CCDC18: variants seen among roughly 807,000 people sequenced by gnomAD.
CCDC18 encodes the protein coiled-coil domain containing 18.
In CCDC18, 157 loss-of-function variants were observed where a neutral mutation model predicts 196.0. The ratio of observed to expected loss-of-function variants is 0.80; its 90% CI spans 0.70 to 0.91. CCDC18 has a LOEUF of 0.91. Among genes scored for constraint, CCDC18 ranks in the 40% least tolerant of loss-of-function variants. The pLI is 0.00. For synonymous variants in CCDC18, 482 were observed against 529.2 expected, an observed-to-expected ratio of 0.91 and a Z score of 1.22; for missense variants, 1,465 against 1,611.6, an observed-to-expected ratio of 0.91 and a Z score of 1.56.
chr1:93,276,466 A>G (rs542571647), intron 28 of CCDC18, among the ~76,000 whole-genome samples: 5 of 152,356 alleles, frequency 3.3e-5, no homozygotes, highest in Non-Finnish European at 5.9e-5. Context: ...TTCACCATTT[A>G]TTAGGAATTT....
intron 4 of CCDC18, 26 bp from the exon 5 acceptor site, chr1:93,191,973 AC>A: frequency 6.8e-7 from 1 of 1,480,362 alleles, no homozygotes; most frequent in Non-Finnish European, 9.4e-7. Context: ...TTCTGAAAGT[AC>A]TATAAAAGTT....
chr1:93,233,315 C>G (rs1424896425), intron 18 of CCDC18, among the ~76,000 whole-genome samples: 1 of 152,160 alleles, frequency 6.6e-6, no homozygotes, highest in Non-Finnish European at 1.5e-5. Flanking sequence ...TGTAAGAATT[C>G]TAGAGAATTT....
intron 12 of CCDC18, 50 bp from the exon 13 acceptor site, chr1:93,216,586 A>T: frequency 2.1e-6 from 2 of 966,354 alleles, no homozygotes; most frequent in South Asian, 3.2e-5. Context: ...TAGAATGCAA[A>T]ATCATTACCT....
intron 26 of CCDC18, among the ~76,000 whole-genome samples, chr1:93,261,587 A>G (rs1276079443): frequency 6.6e-6 from 1 of 152,094 alleles, no homozygotes; most frequent in Non-Finnish European, 1.5e-5. Context: ...AAATGTATTT[A>G]AGCAAGACAT....
intron 27 of CCDC18, among the ~76,000 whole-genome samples, chr1:93,265,473 TC>T: frequency 6.6e-6 from 1 of 152,330 alleles, no homozygotes. Context: ...TTAAATAAAA[TC>T]CTACTTATAT....
chr1:93,223,019 C>T (rs997198923), intron 16 of CCDC18, among the ~76,000 whole-genome samples: 2 of 152,144 alleles, frequency 1.3e-5, no homozygotes, highest in Admixed American at 6.6e-5. Flanking sequence ...AAACTCTTAA[C>T]ATTTAATGCA....
intron 22 of CCDC18, among the ~76,000 whole-genome samples, 158 bp downstream of exon 22, chr1:93,246,362 T>TA (rs1661495934): frequency 1.3e-5 from 2 of 152,192 alleles, no homozygotes; most frequent in Admixed American, 1.3e-4. Context: ...CATCTCTCTT[T>TA]ATCTTGATAT....
intron 6 of CCDC18, among the ~76,000 whole-genome samples, chr1:93,195,836 A>G (rs1039064237): frequency 6.6e-6 from 1 of 152,204 alleles, no homozygotes; most frequent in Non-Finnish European, 1.5e-5. Flanking sequence ...TAAACTACCC[A>G]GACTATGATA....
At chr1:93,239,535 T>C in intron 20 of CCDC18, 62 bp downstream of exon 20, 29 of 1,526,944 alleles carry the variant, frequency 1.9e-5, no homozygotes, top group Non-Finnish European at 2.5e-5. Context: ...AGTGAAATAA[T>C]GTGAGAATTT....
intron 17 of CCDC18, among the ~76,000 whole-genome samples, chr1:93,230,223 C>G (rs1659023260): frequency 6.6e-6 from 1 of 151,862 alleles, no homozygotes; most frequent in South Asian, 2.1e-4. Flanking sequence ...GCCAACTGGC[C>G]AGGCACGGTG....
chr1:93,277,079 T>G (rs1318830841), intron 28 of CCDC18, among the ~76,000 whole-genome samples: 1 of 91,674 alleles, frequency 1.1e-5, no homozygotes, highest in African/African-American at 5.5e-5. Context: ...TGTAAAGGAT[T>G]AAGTGCTGTG....
intron 16 of CCDC18, among the ~76,000 whole-genome samples, chr1:93,224,541 A>G (rs1657992903): frequency 6.6e-6 from 1 of 152,260 alleles, no homozygotes; most frequent in South Asian, 2.1e-4. Flanking sequence ...GCCATGCCCC[A>G]GACCTGATTC....
At chr1:93,180,324 G>T, upstream of CCDC18, 1 of 1,451,166 alleles carries the variant, frequency 6.9e-7, no homozygotes, top group Non-Finnish European at 9.2e-7. Context: ...ACTCCTCGTG[G>T]TTGACAGGGA....
At chr1:93,215,756 G>A (rs1338471948) in intron 12 of CCDC18, among the ~76,000 whole-genome samples, 10 of 152,038 alleles carry the variant, frequency 6.6e-5, no homozygotes, top group East Asian at 1.9e-4. Context: ...ACACCTAGCC[G>A]GAATCTGTAT....
At chr1:93,191,698 A>G (rs1651839781) in intron 4 of CCDC18, among the ~76,000 whole-genome samples, 1 of 152,180 alleles carries the variant, frequency 6.6e-6, no homozygotes, top group African/African-American at 2.4e-5. Context: ...TTTTATGTTT[A>G]ATTTTCTAAT....
Position 93,184,066 on chromosome 1 carries a change from C to G in CCDC18, c.223C>G (p.Leu75Val), listed in dbSNP as rs781429117. The change falls in exon 3 of 29, where the codon CTT (leucine) becomes GTT (valine). Residue 75 changes from leucine to valine, a missense_variant. Coordinates refer to ENST00000690025, the MANE Select transcript of CCDC18 (RefSeq NM_001378204.1). ...GGATGTTCAGCCTAGCCACCCTGGA[C>G]TTTTGAATTATTCACCTTATGAAAA... ...ILDVQPSHPG[L>V]LNYSPYENVC... The G allele has an allele frequency of 1.9e-6, 3 of 1,589,230 alleles. No individual in the cohort carries two copies. Among genetic ancestry groups the G allele is most frequent in the Non-Finnish European group, 2.6e-6 (3 of 1,164,550 alleles).
intron 1 of CCDC18, among the ~76,000 whole-genome samples, chr1:93,182,093 T>C (rs987495520): frequency 6.6e-6 from 1 of 152,218 alleles, no homozygotes; most frequent in African/African-American, 2.4e-5. Flanking sequence ...GGACCTGATT[T>C]ATTGACTTGT....
intron 19 of CCDC18, among the ~76,000 whole-genome samples, chr1:93,236,977 C>T (rs1270451725): frequency 6.6e-6 from 1 of 152,220 alleles, no homozygotes; most frequent in East Asian, 1.9e-4. Context: ...GAGCTGAAAG[C>T]AGTACCCAGC....
intron 14 of CCDC18, among the ~76,000 whole-genome samples, chr1:93,218,624 C>T (rs1176488056): frequency 6.6e-6 from 1 of 152,074 alleles, no homozygotes; most frequent in East Asian, 1.9e-4. Flanking sequence ...ATTCTCCTGC[C>T]TCAGCCTCCT....
Sources: allele counts gnomAD v4.1 joint callset (sites outside exome capture counted in the v4.1 genomes callset), GRCh38; gene constraint gnomAD v4.1.1; transcripts MANE v1.5; gene names NCBI Gene and HGNC (gene_info 2026-07-23, HGNC 2026-07-21).